The following EPHA6 variants were observed in gnomAD, a reference collection of about 807,000 sequenced individuals.
The protein encoded by EPHA6 is ephrin type-A receptor 6.
Under a neutral mutation model 112.0 loss-of-function variants are expected in EPHA6, and 50 were observed. That is an observed-to-expected ratio of 0.45 (90% confidence interval 0.36 to 0.56). The LOEUF is 0.56. Among genes scored for constraint, EPHA6 ranks in the 20% least tolerant of loss-of-function variants. The pLI, the probability that EPHA6 is intolerant of heterozygous loss-of-function variation, is 0.00. For missense variants in EPHA6, 1,280 were observed against 1,417.4 expected (o/e 0.90, Z 1.56); for synonymous variants, 529 against 490.7 (o/e 1.08, Z -1.03).
intron 3 of EPHA6, among the ~76,000 whole-genome samples, chr3:97,085,491 C>A (rs1256986666): frequency 6.6e-6 from 1 of 152,228 alleles, no homozygotes; most frequent in East Asian, 1.9e-4. Context: ...AAACAAGTTA[C>A]TTTGGGGGTA....
At chr3:97,278,805 G>A (rs2080187487) in intron 5 of EPHA6, among the ~76,000 whole-genome samples, 1 of 152,194 alleles carries the variant, frequency 6.6e-6, no homozygotes, top group South Asian at 2.1e-4. Context: ...GTATTGGCCT[G>A]CACACACCCC....
At chr3:97,630,703 C>A (rs921193501) in intron 13 of EPHA6, among the ~76,000 whole-genome samples, 3 of 151,948 alleles carry the variant, frequency 2.0e-5, no homozygotes, top group Admixed American at 1.3e-4. Context: ...AAAGATGAAA[C>A]GTCCAATAAG....
intron 13 of EPHA6, among the ~76,000 whole-genome samples, chr3:97,619,435 G>GC (rs889042507): frequency 2.9e-4 from 21 of 71,896 alleles, no homozygotes; most frequent in African/African-American, 3.9e-4. Flanking sequence ...ATAGAAAAAG[G>GC]GGGGGGGGGG....
At chr3:97,595,278 C>G (rs1158235357) in intron 12 of EPHA6, among the ~76,000 whole-genome samples, 1 of 152,098 alleles carries the variant, frequency 6.6e-6, no homozygotes, top group Non-Finnish European at 1.5e-5. Flanking sequence ...GAAGTATTAG[C>G]TGAAAATTGA....
At chr3:97,329,853 T>G (rs1040147444) in intron 5 of EPHA6, among the ~76,000 whole-genome samples, 5 of 152,064 alleles carry the variant, frequency 3.3e-5, no homozygotes, top group African/African-American at 9.7e-5. Context: ...TGGCTTTTGT[T>G]GCCATTGCTT....
intron 3 of EPHA6, among the ~76,000 whole-genome samples, chr3:97,166,303 C>G (rs2076539321): frequency 1.3e-5 from 2 of 149,554 alleles, no homozygotes; most frequent in Admixed American, 6.7e-5. Context: ...CAATAATTAA[C>G]AAAACATTTA....
chr3:97,287,323 A>G (rs994205055), intron 5 of EPHA6, among the ~76,000 whole-genome samples: 18 of 152,028 alleles, frequency 1.2e-4, no homozygotes, highest in Admixed American at 1.1e-3. Context: ...CTCTGAGTTC[A>G]GTTAGCTGCA....
chr3:96,864,140 G>A (rs1559782734), intron 1 of EPHA6, among the ~76,000 whole-genome samples: 2 of 152,046 alleles, frequency 1.3e-5, no homozygotes, highest in African/African-American at 2.4e-5. Context: ...AAATTTCACA[G>A]CAGTCAGTTT....
intron 5 of EPHA6, among the ~76,000 whole-genome samples, chr3:97,308,438 T>C (rs2108745393): frequency 6.6e-6 from 1 of 151,930 alleles, no homozygotes; most frequent in East Asian, 1.9e-4. Flanking sequence ...CCATTCCTTC[T>C]ACTTTACAAA....
At chr3:96,870,646 A>G (rs1020036910) in intron 2 of EPHA6, among the ~76,000 whole-genome samples, 6 of 152,124 alleles carry the variant, frequency 3.9e-5, no homozygotes, top group African/African-American at 1.2e-4. Context: ...GAAAATAAAC[A>G]TGTCATTCAT....
Position 97,458,386 on chromosome 3 carries a change from T to C in EPHA6, c.1894+9656T>C, listed in dbSNP as rs999093584. The stretch of plus-strand genomic sequence containing the variant: ...AAACAGCATTCATTTAAAAATTCTC[T>C]TGCACTATAGTTTTTTTAAATTAGT... On this transcript the variant is annotated intron_variant, in intron 7 of 17. Coordinates refer to ENST00000389672, the MANE Select transcript of EPHA6 (RefSeq NM_001080448.3). Among the ~76,000 whole-genome samples the C allele has an allele frequency of 7.2e-5, 11 of 152,154 alleles. No individual in the cohort carries two copies. In the East Asian group the frequency reaches 1.4e-3, roughly 19 times the overall value.
At chr3:97,002,979 A>G (rs2043724629) in intron 3 of EPHA6, among the ~76,000 whole-genome samples, 1 of 152,174 alleles carries the variant, frequency 6.6e-6, no homozygotes, top group Non-Finnish European at 1.5e-5. Context: ...AACAATGGTG[A>G]AATTGACTTT....
intron 5 of EPHA6, among the ~76,000 whole-genome samples, chr3:97,387,145 G>A (rs1166144880): frequency 6.6e-6 from 1 of 152,190 alleles, no homozygotes; most frequent in Non-Finnish European, 1.5e-5. Flanking sequence ...ATGCCTTGGA[G>A]GCATTTTCCC....
intron 3 of EPHA6, among the ~76,000 whole-genome samples, chr3:97,031,193 G>A (rs2044823484): frequency 2.0e-5 from 3 of 152,136 alleles, no homozygotes; most frequent in Non-Finnish European, 2.9e-5. Flanking sequence ...CAAGCAATGG[G>A]GAAAGGATTC....
At position 97,597,990 on chromosome 3, in the gene EPHA6, A is replaced by T. The variant is rs562107251; in HGVS notation, c.2512+5253A>T. ...ACTAAGCTAAGGAAAATTGGCATAA[A>T]CTCAATATGCCAAGGAAAGTCAACA... On this transcript the variant is annotated intron_variant, in intron 12 of 17. Transcript: ENST00000389672. 3.9e-5 allele frequency among the ~76,000 whole-genome samples: 6 copies of T among 152,294 alleles called. No homozygotes were observed. In the South Asian group the frequency reaches 6.2e-4, roughly 16 times the overall value.
At chr3:97,271,135 G>A (rs946648962) in intron 5 of EPHA6, among the ~76,000 whole-genome samples, 1 of 152,216 alleles carries the variant, frequency 6.6e-6, no homozygotes, top group Non-Finnish European at 1.5e-5. Flanking sequence ...TGAAATAAAA[G>A]GGGATGCTGT....
chr3:97,240,987 A>G (rs554697833), intron 4 of EPHA6, among the ~76,000 whole-genome samples: 20 of 151,930 alleles, frequency 1.3e-4, no homozygotes, highest in African/African-American at 4.1e-4. Context: ...ACAAACAAAA[A>G]TCATAGCACA....
At chr3:97,177,409 A>AT (rs1327633423) in intron 3 of EPHA6, among the ~76,000 whole-genome samples, 3 of 151,968 alleles carry the variant, frequency 2.0e-5, no homozygotes, top group Non-Finnish European at 4.4e-5. Flanking sequence ...TATAGGGCAG[A>AT]TTAAGTCTGA....
At position 97,748,717 on chromosome 3, in the gene EPHA6, C is replaced by T; in HGVS notation, c.*16C>T. Reference sequence around the variant, plus strand: ...TCATGTATGAAAGTACCACAAGCACCTGTGTTTTGTGCCTCAGCATTTCTA... The same window carrying T: ...TCATGTATGAAAGTACCACAAGCACTTGTGTTTTGTGCCTCAGCATTTCTA... On this transcript the variant is annotated 3_prime_UTR_variant, in exon 18 of 18. Transcript: ENST00000389672. 1 of 1,383,150 alleles carries T rather than the reference C, an allele frequency of 7.2e-7. No homozygotes were observed. Among genetic ancestry groups the T allele is most frequent in the African/African-American group, 1.4e-5 (1 of 70,504 alleles). 85.7% of individuals were successfully genotyped at this position (1,383,150 alleles called of 1,614,324 possible).
Sources: gnomAD v4.1 joint callset for allele counts (sites outside exome capture counted in the v4.1 genomes callset) on GRCh38, gnomAD v4.1.1 for gene constraint, MANE v1.5 for transcripts, NCBI Gene and HGNC (gene_info 2026-07-23, HGNC 2026-07-21) for gene names.